Variants in LIN28B observed in about 807,000 individuals in gnomAD.
LIN28B encodes protein lin-28 homolog B.
LIN28B carries 5 observed loss-of-function variants against 21.9 expected under a neutral mutation model. The ratio of observed to expected loss-of-function variants is 0.23; its 90% CI spans 0.12 to 0.48. The LOEUF (loss-of-function observed/expected upper bound fraction) is 0.48. Ranked by LOEUF, LIN28B falls within the 20% of genes least tolerant of loss-of-function variation. The probability of loss-of-function intolerance (pLI) is 0.98; values close to 1 mark genes in which losing one functional copy is unlikely to be tolerated. For synonymous variants in LIN28B, 109 were observed against 111.3 expected, an observed-to-expected ratio of 0.98 and a Z score of 0.13; for missense variants, 245 against 310.5, an observed-to-expected ratio of 0.79 and a Z score of 1.58.
At chr6:104,992,513 TG>T (rs1363079322) in intron 2 of LIN28B, among the ~76,000 whole-genome samples, 110 of 105,968 alleles carry the variant, frequency 1.0e-3, no homozygotes, top group Middle Eastern at 4.2e-3. Context: ...TGTGTGTGTG[TG>T]TTTTTTTTTT....
chr6:105,071,772 A>G (rs1194287808), intron 3 of LIN28B, among the ~76,000 whole-genome samples: 1 of 152,220 alleles, frequency 6.6e-6, no homozygotes, highest in Non-Finnish European at 1.5e-5. Context: ...TAAAATTTCC[A>G]TCTTCTCTCT....
chr6:104,982,999 G>T (rs111265861), intron 2 of LIN28B, among the ~76,000 whole-genome samples: 9 of 151,898 alleles, frequency 5.9e-5, no homozygotes, highest in Admixed American at 2.6e-4. Flanking sequence ...GTAGAGACAG[G>T]GTCTTATTCT....
intron 3 of LIN28B, among the ~76,000 whole-genome samples, chr6:105,049,498 T>C (rs898469474): frequency 6.6e-6 from 1 of 152,182 alleles, no homozygotes; most frequent in Non-Finnish European, 1.5e-5. Flanking sequence ...GGTGGAGAGT[T>C]CTGTAGATGT....
intron 2 of LIN28B, among the ~76,000 whole-genome samples, chr6:104,996,335 A>G (rs1054177371): frequency 6.6e-6 from 1 of 152,178 alleles, no homozygotes; most frequent in Non-Finnish European, 1.5e-5. Flanking sequence ...TGGTTTGGAC[A>G]GTGTTCTTGT....
chr6:105,078,730 C>T lies in LIN28B; in HGVS notation c.700C>T (p.Pro234Ser). Reference protein sequence around the residue: ...EASSTKSSIAPEEQSKKGPSV... With the variant: ...EASSTKSSIASEEQSKKGPSV... ...TTCCTCCACGAAGTCATCTATAGCA[C>T]CAGAAGAGCAAAGCAAAAAGGGGCC... Residue 234 changes from proline to serine, a missense_variant, in exon 4 of 4, where the codon CCA becomes TCA. Physicochemically the swap from Pro to Ser is moderately conservative, Grantham distance 74. Transcript: ENST00000345080. The T allele has an allele frequency of 6.2e-7, 1 of 1,613,986 alleles. No homozygotes were observed. Among genetic ancestry groups the T allele is most frequent in the Non-Finnish European group, 8.5e-7 (1 of 1,179,982 alleles).
intron 2 of LIN28B, among the ~76,000 whole-genome samples, chr6:104,938,239 GTC>G (rs1778035344): frequency 6.6e-6 from 1 of 151,996 alleles, no homozygotes; most frequent in African/African-American, 2.4e-5. Flanking sequence ...GTGAGACCGA[GTC>G]TCTAAAAAAG....
At chr6:105,032,567 G>A (rs1771445936) in intron 3 of LIN28B, among the ~76,000 whole-genome samples, 2 of 151,906 alleles carry the variant, frequency 1.3e-5, no homozygotes, top group South Asian at 2.1e-4. Context: ...ATTGCAAAAA[G>A]TAAAAAAATT....
intron 1 of LIN28B, among the ~76,000 whole-genome samples, chr6:104,957,484 T>C (rs1032602152): frequency 6.6e-6 from 1 of 151,756 alleles, no homozygotes; most frequent in Non-Finnish European, 1.5e-5. Flanking sequence ...CTTGAAAAGC[T>C]TTCAGGGGGC....
rs752057191 is a variant in LIN28B, at chr6:105,070,592, CCACACACACACACACACACACACA to C, written c.384-7796_384-7773del. ...CAAAACTCTATCTCTATCAATAAAA[CCACACACACACACACACACACACA>C]CACACACACACACACACACACACAC... On this transcript the variant is annotated intron_variant, in intron 3 of 3. Transcript: ENST00000345080. Among the ~76,000 whole-genome samples, 16 of 92,226 alleles carry C rather than the reference CCACACACACACACACACACACACA, an allele frequency of 1.7e-4. No homozygotes were observed. The East Asian group carries it at 3.5e-3, about 20-fold the overall frequency. The allele number at this position is 92,226 out of a possible 152,430, so 60.5% of individuals were successfully genotyped here.
At chr6:105,022,842 T>G (rs1771166371) in intron 2 of LIN28B, among the ~76,000 whole-genome samples, 1 of 152,098 alleles carries the variant, frequency 6.6e-6, no homozygotes, top group South Asian at 2.1e-4. Flanking sequence ...AGTTTTCTTT[T>G]TTGTTGTATT....
At chr6:105,041,563 C>A (rs1486673396) in intron 3 of LIN28B, among the ~76,000 whole-genome samples, 1 of 152,042 alleles carries the variant, frequency 6.6e-6, no homozygotes, top group Admixed American at 6.6e-5. Context: ...GATACTTAGT[C>A]TTGATTTTCA....
At chr6:105,001,349 G>T (rs1469761615) in intron 2 of LIN28B, among the ~76,000 whole-genome samples, 1 of 152,138 alleles carries the variant, frequency 6.6e-6, no homozygotes, top group Non-Finnish European at 1.5e-5. Context: ...GACTGTCAGT[G>T]ATGTTTATGC....
chr6:105,067,275 CAA>C (rs1562112870), intron 3 of LIN28B, among the ~76,000 whole-genome samples: 1 of 151,990 alleles, frequency 6.6e-6, no homozygotes, highest in African/African-American at 2.4e-5. Flanking sequence ...TCAGTAAGAC[CAA>C]ATAGAGTCAA....
intron 2 of LIN28B, among the ~76,000 whole-genome samples, chr6:104,948,874 A>C (rs1778187742): frequency 6.6e-6 from 1 of 152,208 alleles, no homozygotes; most frequent in Admixed American, 6.5e-5. Context: ...ATAGTGAAAA[A>C]TCTGAATGTT....
At chr6:105,051,623 C>T (rs1771908604) in intron 3 of LIN28B, among the ~76,000 whole-genome samples, 1 of 151,888 alleles carries the variant, frequency 6.6e-6, no homozygotes, top group Non-Finnish European at 1.5e-5. Flanking sequence ...GAACAAGGAT[C>T]TGGTCTGCCT....
chr6:105,049,478 G>A (rs181187787), intron 3 of LIN28B, among the ~76,000 whole-genome samples: 1 of 152,234 alleles, frequency 6.6e-6, no homozygotes, highest in Non-Finnish European at 1.5e-5. Context: ...TGGATATTCT[G>A]TTGATTTGGG....
chr6:105,005,066 C>T (rs1408617830), intron 2 of LIN28B, among the ~76,000 whole-genome samples: 1 of 152,158 alleles, frequency 6.6e-6, no homozygotes, highest in Non-Finnish European at 1.5e-5. Context: ...CTTTTAAAGA[C>T]TCCATTGGTC....
intron 3 of LIN28B, among the ~76,000 whole-genome samples, chr6:105,059,219 A>T (rs554180805): frequency 1.3e-5 from 2 of 150,310 alleles, no homozygotes; most frequent in Non-Finnish European, 3.0e-5. Flanking sequence ...ATATATATGT[A>T]TTTTTTTTTT....
At position 105,078,901 on chromosome 6, in the gene LIN28B, A is replaced by G; in HGVS notation, c.*118A>G. 1 of 1,220,624 alleles carries G rather than the reference A, an allele frequency of 8.2e-7. No homozygotes were observed. 75.6% of individuals were successfully genotyped at this position (1,220,624 alleles called of 1,614,324 possible). A position where few individuals can be genotyped will look rare whatever the true frequency, so the allele number is the denominator to read the frequency against. On this transcript the variant is annotated 3_prime_UTR_variant, in exon 4 of 4. Transcript: ENST00000345080. ...CTGGGATTTTAACTACTATTGGGGA[A>G]CTGTGAATTTTTTAAACAGACAAAT...
Sources: allele counts gnomAD v4.1 joint callset (sites outside exome capture counted in the v4.1 genomes callset), GRCh38; gene constraint gnomAD v4.1.1; transcripts MANE v1.5; gene names NCBI Gene and HGNC (gene_info 2026-07-23, HGNC 2026-07-21).